The following ARFGEF3 variants were observed in gnomAD, a reference collection of about 807,000 sequenced individuals.
ARFGEF3 encodes the protein ARFGEF family member 3.
ARFGEF3 carries 96 observed loss-of-function variants against 221.7 expected under a neutral mutation model. The observed-to-expected ratio is 0.43, with a 90% CI of 0.37 to 0.51. The LOEUF (loss-of-function observed/expected upper bound fraction) is 0.51, where lower values mean the gene tolerates loss of function less well. Ranked by LOEUF, ARFGEF3 falls within the 20% of genes least tolerant of loss-of-function variation. ARFGEF3 has a pLI of 0.00. For synonymous variants in ARFGEF3, 1,145 were observed against 1,126.8 expected (o/e 1.02, Z -0.32); for missense variants, 2,410 against 2,789.9 (o/e 0.86, Z 3.07).
At chr6:138,210,411 A>G (rs1285358437) in intron 4 of ARFGEF3, among the ~76,000 whole-genome samples, 1 of 152,214 alleles carries the variant, frequency 6.6e-6, no homozygotes, top group Non-Finnish European at 1.5e-5. Context: ...TTTGATATAT[A>G]CTGAGATTTC....
intron 2 of ARFGEF3, among the ~76,000 whole-genome samples, chr6:138,200,854 A>T (rs1277700695): frequency 6.6e-6 from 1 of 152,246 alleles, no homozygotes; most frequent in Non-Finnish European, 1.5e-5. Flanking sequence ...GAGCTTTTGC[A>T]TGGCAAAAGG....
rs535943539 is a variant in ARFGEF3, at chr6:138,280,800, G to A, written c.2461+636G>A. On this transcript the variant is annotated intron_variant, in intron 14 of 33. Transcript: ENST00000251691. ...CGGGAGGCAGAGGTTGCAGTGAACC[G>A]AGATTACACCACTGTACTCCAGCCT... Among the ~76,000 whole-genome samples the A allele has an allele frequency of 7.2e-5, 11 of 152,174 alleles. No individual in the cohort carries two copies. The East Asian group carries it at 1.4e-3, about 19-fold the overall frequency.
chr6:138,340,832 T>A lies in ARFGEF3; in HGVS notation c.*4346T>A, dbSNP rs1780417882. On this transcript the variant is annotated 3_prime_UTR_variant, in exon 34 of 34. Coordinates refer to ENST00000251691, the MANE Select transcript of ARFGEF3 (RefSeq NM_020340.5). The stretch of plus-strand genomic sequence containing the variant: ...TAAGCACTCTAGTATGAAAAAAAGT[T>A]TCAAGGAACGAGGCCATGAAAATGA... 1 of 152,120 alleles carries A rather than the reference T, an allele frequency of 6.6e-6. No individual in the cohort carries two copies. The highest frequency in any genetic ancestry group is 1.5e-5 in the Non-Finnish European group (1 of 68,020). The allele number at this position is 152,120 out of a possible 1,614,324, so 9.4% of individuals were successfully genotyped here.
rs753336655 is a variant in ARFGEF3 at position 138,294,002 on chromosome 6, A to G, written c.3378A>G (p.Glu1126=). 1 of 1,613,460 alleles carries G rather than the reference A, an allele frequency of 6.2e-7. No individual in the cohort carries two copies. Among genetic ancestry groups the G allele is most frequent in the Non-Finnish European group, 8.5e-7 (1 of 1,179,764 alleles). The change falls in exon 20 of 34, where the codon GAA becomes GAG. Residue 1126 remains glutamate (E), a synonymous_variant. Transcript: ENST00000251691. ...TTCTGTTTGCATCCAGGCTCTTTGAAGATGCTACGGATAAGTTGAACCTCA... is the reference window on the plus strand; with the variant it reads ...TTCTGTTTGCATCCAGGCTCTTTGAGGATGCTACGGATAAGTTGAACCTCA... ...TLSTQADRLF[E]DATDKLNLMA...
chr6:138,328,048 C>T lies in ARFGEF3; in HGVS notation c.5029C>T (p.Pro1677Ser). Residue 1677 changes from proline to serine, a missense_variant, in exon 32 of 34, where the codon CCA becomes TCA. Transcript: ENST00000251691. ...QVFMLDTQCS[P>S]KTPNNFDHAQ... ...GTTTATGCTGGACACCCAGTGCTCA[C>T]CAAAGACACCAAACAACTTTGACCA... is the stretch of plus-strand genomic sequence containing the variant. The T allele has an allele frequency of 1.3e-6, 2 of 1,555,228 alleles. No individual in the cohort carries two copies. The highest frequency in any genetic ancestry group is 1.7e-6 in the Non-Finnish European group (2 of 1,148,584).
chr6:138,188,190 A>G (rs1009343027), intron 2 of ARFGEF3, among the ~76,000 whole-genome samples: 7 of 152,060 alleles, frequency 4.6e-5, no homozygotes, highest in African/African-American at 1.4e-4. Flanking sequence ...CTAAGTCTCT[A>G]TCTGGATGCA....
chr6:138,173,241 A>G (rs1185702866), intron 2 of ARFGEF3, among the ~76,000 whole-genome samples: 3 of 152,200 alleles, frequency 2.0e-5, no homozygotes, highest in South Asian at 2.1e-4. Flanking sequence ...AAAAATTTTA[A>G]TAATTCAAGT....
At chr6:138,309,669 C>T (rs886516279) in intron 24 of ARFGEF3, among the ~76,000 whole-genome samples, 6 of 152,258 alleles carry the variant, frequency 3.9e-5, no homozygotes, top group East Asian at 3.9e-4. Context: ...CCAAGGAAGC[C>T]GATAACATGG....
rs1047975935 is a variant in ARFGEF3, at chr6:138,343,796, C to G, written c.*7310C>G. On this transcript the variant is annotated 3_prime_UTR_variant, in exon 34 of 34. Transcript: ENST00000251691. ...CATCTGGTTCTTATTGGGAGTGCTT[C>G]TCTCTAATAAAAATTGATTTCCCAC... The G allele has an allele frequency of 1.3e-5, 2 of 152,134 alleles. No individual in the cohort carries two copies. Among genetic ancestry groups the G allele is most frequent in the African/African-American group, 4.8e-5 (2 of 41,436 alleles). The allele number at this position is 152,134 out of a possible 1,614,324, so 9.4% of individuals were successfully genotyped here.
chr6:138,193,367 A>G (rs1777347580), intron 2 of ARFGEF3, among the ~76,000 whole-genome samples: 1 of 152,156 alleles, frequency 6.6e-6, no homozygotes, highest in African/African-American at 2.4e-5. Context: ...TTGGTTGTGT[A>G]TACCTTCATA....
chr6:138,268,668 C>T (rs1012273235), intron 12 of ARFGEF3, among the ~76,000 whole-genome samples: 18 of 152,142 alleles, frequency 1.2e-4, no homozygotes, highest in Admixed American at 9.2e-4. Flanking sequence ...AACAAAGTGA[C>T]GTCTGTGTAA....
intron 17 of ARFGEF3, 61 bp downstream of exon 17, chr6:138,287,245 C>A: frequency 8.1e-7 from 1 of 1,238,924 alleles, no homozygotes; most frequent in Non-Finnish European, 1.2e-6. Flanking sequence ...CACACCTGCA[C>A]AGGCCTACAC....
At chr6:138,312,546 G>A (rs1288342419) in intron 25 of ARFGEF3, among the ~76,000 whole-genome samples, 3 of 151,962 alleles carry the variant, frequency 2.0e-5, no homozygotes, top group Non-Finnish European at 4.4e-5. Flanking sequence ...TGCCCTCCCG[G>A]AAATACACCT....
Position 138,307,691 on chromosome 6 carries a change from A to G in ARFGEF3, c.3973+294A>G, listed in dbSNP as rs543414118. Among the ~76,000 whole-genome samples, 4 of 152,336 alleles carry G rather than the reference A, an allele frequency of 2.6e-5. No homozygotes were observed. In the South Asian group the frequency reaches 8.3e-4, roughly 32 times the overall value. On this transcript the variant is annotated intron_variant, in intron 23 of 33. Transcript: ENST00000251691. ...TTCACGTCTAAAGCCAAAAAGAAAA[A>G]TGTTATCCATTTGCTAGTAAGAAGC...
chr6:138,247,147 C>G (rs1778498683), intron 8 of ARFGEF3, among the ~76,000 whole-genome samples: 1 of 152,160 alleles, frequency 6.6e-6, no homozygotes, highest in African/African-American at 2.4e-5. Context: ...CTGGGCTTCC[C>G]CTTGCTCAGG....
chr6:138,262,852 C>T lies in ARFGEF3; in HGVS notation c.1369C>T (p.Arg457Cys), dbSNP rs148727789. The T allele has an allele frequency of 1.4e-4, 219 of 1,613,832 alleles. 1 individual carries two copies. The highest frequency in any genetic ancestry group is 1.6e-4 in the Non-Finnish European group (194 of 1,179,880). The change falls in exon 12 of 34, where the codon CGC becomes TGC. Residue 457 changes from arginine (R) to cysteine (C), a missense_variant. Physicochemically the swap from Arg to Cys is radical, Grantham distance 180. This residue lies in a region of ARFGEF3 where 570 missense variants were observed against 586.9 expected (regional missense o/e 0.97). Transcript: ENST00000251691. ...AGGTCAGGTGCAACTGCTGCTTCTG[C>T]GCCTTGAGGAGCTGAAGGATGGGGC... ...SEGQVQLLLLRLEELKDGAEW... is the reference protein window; with the variant it reads ...SEGQVQLLLLCLEELKDGAEW...
At chr6:138,226,644 A>G (rs1778089637) in intron 4 of ARFGEF3, among the ~76,000 whole-genome samples, 1 of 152,178 alleles carries the variant, frequency 6.6e-6, no homozygotes, top group African/African-American at 2.4e-5. Context: ...ATTGCCCTCA[A>G]TATTTAGCTG....
chr6:138,335,314 T>G, intron 33 of ARFGEF3, 126 bp downstream of exon 33: 2 of 951,780 alleles, frequency 2.1e-6, no homozygotes. Flanking sequence ...ATGAACCGAT[T>G]TCCCTCCAAA....
chr6:138,323,956 A>G, intron 30 of ARFGEF3, 67 bp from the exon 31 acceptor site: 1 of 1,586,614 alleles, frequency 6.3e-7, no homozygotes, highest in Non-Finnish European at 8.6e-7. Flanking sequence ...TGACGATCTC[A>G]GATCCAAGAC....
Sources: gnomAD v4.1 joint callset for allele counts (sites outside exome capture counted in the v4.1 genomes callset) on GRCh38, gnomAD v4.1.1 for gene constraint, gnomAD v4.1.1 regional missense constraint, MANE v1.5 for transcripts, NCBI Gene and HGNC (gene_info 2026-07-23, HGNC 2026-07-21) for gene names.